POLN: variants seen among roughly 807,000 people sequenced by gnomAD.
POLN encodes DNA polymerase N.
A neutral mutation model predicts 113.5 loss-of-function variants in POLN; 108 were observed. The ratio of observed to expected loss-of-function variants is 0.95; its 90% CI spans 0.81 to 1.12. The LOEUF (loss-of-function observed/expected upper bound fraction) is 1.12, where lower values mean the gene tolerates loss of function less well. POLN is among the 50% of genes most tolerant of loss of function. POLN has a pLI of 0.00. For missense variants in POLN, 1,097 were observed against 1,077.1 expected (o/e 1.02, Z -0.26); for synonymous variants, 386 against 391.5 (o/e 0.99, Z 0.17).
intron 13 of POLN, among the ~76,000 whole-genome samples, chr4:2,166,289 T>C (rs1185931212): frequency 6.6e-6 from 1 of 152,192 alleles, no homozygotes; most frequent in Non-Finnish European, 1.5e-5. Context: ...CCTTTTCCCA[T>C]TGCAAGGCCT....
At chr4:2,177,008 GGGACCAGT>G (rs1454472349) in intron 8 of POLN, among the ~76,000 whole-genome samples, 10 of 152,140 alleles carry the variant, frequency 6.6e-5, no homozygotes, top group African/African-American at 2.4e-4. Flanking sequence ...AACATCCCAT[GGGACCAGT>G]GGCTAAGTGC....
intron 19 of POLN, among the ~76,000 whole-genome samples, chr4:2,122,014 C>T (rs1731455544): frequency 6.6e-6 from 1 of 152,068 alleles, no homozygotes; most frequent in Admixed American, 6.6e-5. Flanking sequence ...AGTACTTTGA[C>T]AAAAATGCTT....
chr4:2,081,464 T>C (rs1252575655), intron 22 of POLN, 169 bp downstream of exon 22: 4 of 684,232 alleles, frequency 5.8e-6, no homozygotes, highest in African/African-American at 1.8e-5. Flanking sequence ...CCCTCATGCC[T>C]CCTGACAGTA....
At chr4:2,111,420 C>T (rs972171334) in intron 19 of POLN, among the ~76,000 whole-genome samples, 1 of 152,002 alleles carries the variant, frequency 6.6e-6, no homozygotes, top group African/African-American at 2.4e-5. Context: ...AAATAAAGGG[C>T]ATTCAATTAG....
intron 19 of POLN, among the ~76,000 whole-genome samples, chr4:2,106,106 T>A (rs1311261591): frequency 6.6e-6 from 1 of 152,074 alleles, no homozygotes; most frequent in Non-Finnish European, 1.5e-5. Context: ...TAATGCTAGC[T>A]AATGAAATTC....
At chr4:2,209,854 G>A (rs573906189) in intron 4 of POLN, among the ~76,000 whole-genome samples, 50 of 150,616 alleles carry the variant, frequency 3.3e-4, no homozygotes, top group African/African-American at 1.2e-3. Flanking sequence ...TAGAGATGGG[G>A]TTTCACCATG....
intron 17 of POLN, among the ~76,000 whole-genome samples, chr4:2,130,063 G>A (rs1731682253): frequency 6.6e-6 from 1 of 151,940 alleles, no homozygotes; most frequent in East Asian, 1.9e-4. Context: ...AGACCAGCCT[G>A]GGCAACATGG....
At chr4:2,168,213 G>A (rs1369252901) in intron 13 of POLN, among the ~76,000 whole-genome samples, 1 of 152,178 alleles carries the variant, frequency 6.6e-6, no homozygotes, top group Non-Finnish European at 1.5e-5. Context: ...GCAAATGTGT[G>A]TGTGACACAG....
chr4:2,095,710 G>C, intron 20 of POLN, 141 bp downstream of exon 20: 1 of 749,382 alleles, frequency 1.3e-6, no homozygotes, highest in African/African-American at 1.7e-5. Context: ...CCAGTGTCTG[G>C]TGACTGCAGG....
At chr4:2,163,503 C>T (rs567264849) in intron 13 of POLN, among the ~76,000 whole-genome samples, 33 of 152,364 alleles carry the variant, frequency 2.2e-4, no homozygotes, top group Non-Finnish European at 4.7e-4. Flanking sequence ...CGGGCTCACC[C>T]GCGCTCTGCG....
At chr4:2,087,925 T>C (rs1274077945) in intron 20 of POLN, among the ~76,000 whole-genome samples, 1 of 152,158 alleles carries the variant, frequency 6.6e-6, no homozygotes, top group Non-Finnish European at 1.5e-5. Context: ...TTTCAATTCC[T>C]GGGCTCAAGC....
intron 4 of POLN, among the ~76,000 whole-genome samples, chr4:2,211,607 C>T (rs1221654815): frequency 6.6e-6 from 1 of 151,938 alleles, no homozygotes; most frequent in Admixed American, 6.6e-5. Flanking sequence ...GAAACCCTGT[C>T]TCCACCAAAA....
chr4:2,189,032 G>A (rs1389468049), intron 7 of POLN, among the ~76,000 whole-genome samples: 1 of 151,650 alleles, frequency 6.6e-6, no homozygotes, highest in African/African-American at 2.4e-5. Context: ...TATTTTTAGT[G>A]TATTTATTAC....
intron 3 of POLN, among the ~76,000 whole-genome samples, chr4:2,219,535 C>G (rs73201274): frequency 0.086 from 13,047 of 152,126 alleles, 866 homozygotes; most frequent in African/African-American, 0.18. Flanking sequence ...ATCTCCCTGA[C>G]TGTTATCAGG....
intron 2 of POLN, 158 bp from the exon 3 acceptor site, chr4:2,229,401 A>G (rs1734497349): frequency 1.7e-6 from 1 of 582,122 alleles, no homozygotes; most frequent in Non-Finnish European, 2.7e-6. Context: ...AATAATATAG[A>G]TAGAAAGAAA....
Position 2,109,401 on chromosome 4 carries a change from T to C in POLN, c.1983-13468A>G, listed in dbSNP as rs1731140710. On this transcript the variant is annotated intron_variant, in intron 19 of 25. Transcript: ENST00000511885. ...GAGCAATAATCAAAATAATACAATA[T>C]GGCATCTTAATTGCACACTTATTAA... Among the ~76,000 whole-genome samples, 4 of 152,308 alleles carry C rather than the reference T, an allele frequency of 2.6e-5. No individual in the cohort carries two copies. In the South Asian group the frequency reaches 8.3e-4, roughly 32 times the overall value.
In POLN at chr4:2,093,387, CAG is replaced by C. The variant is rs765199759; in HGVS notation, c.2065+2462_2065+2463del. Among the ~76,000 whole-genome samples the C allele has an allele frequency of 2.0e-5, 3 of 152,332 alleles. No homozygotes were observed. In the East Asian group the frequency reaches 5.8e-4, roughly 29 times the overall value. ...AGGACTCAGACGTAACGGCAGATGACAGAGATGAGAGCTGACTGTGTGCCAGG... is the reference window on the plus strand; with the variant it reads ...AGGACTCAGACGTAACGGCAGATGACAGATGAGAGCTGACTGTGTGCCAGG... On this transcript the variant is annotated intron_variant, in intron 20 of 25. Coordinates refer to ENST00000511885, the MANE Select transcript of POLN (RefSeq NM_181808.4). The surrounding 1 kb of genome is among the most constrained non-coding windows in gnomAD (Gnocchi z 4.1).
chr4:2,146,873 T>C (rs1732156960), intron 16 of POLN, among the ~76,000 whole-genome samples: 1 of 152,036 alleles, frequency 6.6e-6, no homozygotes, highest in Admixed American at 6.6e-5. Flanking sequence ...ATTACCACCA[T>C]AGGACAAAAT....
At chr4:2,181,058 C>T (rs527775746) in intron 7 of POLN, among the ~76,000 whole-genome samples, 9 of 151,192 alleles carry the variant, frequency 6.0e-5, no homozygotes, top group South Asian at 4.2e-4. Flanking sequence ...ACTAAACTGG[C>T]GCAAGACACA....
Sources: gnomAD v4.1 joint callset for allele counts (sites outside exome capture counted in the v4.1 genomes callset) on GRCh38, gnomAD v4.1.1 for gene constraint, Gnocchi (gnomAD v3.1) non-coding constraint, MANE v1.5 for transcripts, NCBI Gene and HGNC (gene_info 2026-07-23, HGNC 2026-07-21) for gene names.